Variants in ZNF439 observed in about 807,000 individuals in gnomAD.
The protein encoded by ZNF439 is zinc finger protein 439.
A neutral mutation model predicts 47.3 loss-of-function variants in ZNF439; 40 were observed. That is an observed-to-expected ratio of 0.85 (90% confidence interval 0.66 to 1.10). The LOEUF (loss-of-function observed/expected upper bound fraction) is 1.10, where lower values mean the gene tolerates loss of function less well. Ranked by LOEUF, ZNF439 falls within the 50% of genes least tolerant of loss-of-function variation. The pLI, the probability that ZNF439 is intolerant of heterozygous loss-of-function variation, is 0.00. For synonymous variants in ZNF439, 171 were observed against 198.8 expected (o/e 0.86, Z 1.18); for missense variants, 556 against 601.1 (o/e 0.93, Z 0.78).
intron 1 of ZNF439, among the ~76,000 whole-genome samples, chr19:11,862,726 C>T (rs1384814500): frequency 6.6e-6 from 1 of 151,848 alleles, no homozygotes; most frequent in Non-Finnish European, 1.5e-5. Flanking sequence ...TTACTGTTAC[C>T]TCATTGTTGT....
intron 1 of ZNF439, chr19:11,849,165 C>A: frequency 9.2e-7 from 1 of 1,085,584 alleles, no homozygotes; most frequent in Non-Finnish European, 1.1e-6. Flanking sequence ...TGTGCAGCTC[C>A]GCGCCCGCAG....
rs963537913 is a variant in ZNF439, at chr19:11,866,022, AT to A, written c.64-182del. 1.1e-5 allele frequency: 16 copies of A among 1,427,974 alleles called. No individual in the cohort carries two copies. In the East Asian group the frequency reaches 1.5e-4, roughly 13 times the overall value. 88.5% of individuals were successfully genotyped at this position (1,427,974 alleles called of 1,614,324 possible). ...AAGAGTGAAATTCTGTCTCAAAAAA[AT>A]AAAAAAAAAAATTGCTTTATGGAAG... On this transcript the variant is annotated intron_variant, in intron 1 of 3. Coordinates refer to ENST00000682736, the MANE Select transcript of ZNF439 (RefSeq NM_001348719.2).
intron 1 of ZNF439, chr19:11,865,933 A>G (rs1053270986): frequency 2.2e-5 from 21 of 933,568 alleles, no homozygotes; most frequent in Non-Finnish European, 2.8e-5. Context: ...AGGCTGAGGC[A>G]GAAGAAGCAC....
intron 1 of ZNF439, among the ~76,000 whole-genome samples, chr19:11,865,570 G>A (rs565678948): frequency 8.6e-5 from 13 of 150,720 alleles, no homozygotes; most frequent in Non-Finnish European, 1.5e-4. Context: ...GCATTTTCAA[G>A]GATACACAGC....
Position 11,866,290 on chromosome 19 carries a change from G to A in ZNF439, c.149G>A (p.Arg50Lys), listed in dbSNP as rs1568260546. Residue 50 changes from arginine (R) to lysine (K), a missense_variant, in exon 2 of 4, where the codon AGG becomes AAG. Coordinates refer to ENST00000682736, the MANE Select transcript of ZNF439 (RefSeq NM_001348719.2). ...GATATTTCCCAGAAGAATCTCTACA[G>A]GGAAGTGATGCTGGAAACTTTCTGG... is the stretch of plus-strand genomic sequence containing the variant. ...LLDISQKNLY[R>K]EVMLETFWNL... 1 of 1,614,110 alleles carries A rather than the reference G, an allele frequency of 6.2e-7. No homozygotes were observed. Among genetic ancestry groups the A allele is most frequent in the Admixed American group, 1.7e-5 (1 of 60,010 alleles).
chr19:11,868,996 G>T lies in ZNF439; in HGVS notation c.*427G>T. The T allele has an allele frequency of 6.8e-6, 2 of 294,226 alleles. No individual in the cohort carries two copies. The highest frequency in any genetic ancestry group is 6.9e-6 in the Non-Finnish European group (1 of 144,710). The allele number at this position is 294,226 out of a possible 1,614,324, so 18.2% of individuals were successfully genotyped here. ...AGAGAAACCTATGAATGTAAGGAAT[G>T]CAAACAAGCATTCAATTATTTTTCT... On this transcript the variant is annotated 3_prime_UTR_variant, in exon 4 of 4. Transcript: ENST00000682736.
rs1599329822 is a variant in ZNF439 at position 11,868,819 on chromosome 19, A to T, written c.*250A>T. On this transcript the variant is annotated 3_prime_UTR_variant, in exon 4 of 4. Coordinates refer to ENST00000682736, the MANE Select transcript of ZNF439 (RefSeq NM_001348719.2). ...ACACACACTGGAGAGAAACCCTATG[A>T]ATGTAAGAAATGTGGAAAAGCGTTC... 3 of 574,788 alleles carry T rather than the reference A, an allele frequency of 5.2e-6. No homozygotes were observed. The highest frequency in any genetic ancestry group is 2.7e-4 in the Middle Eastern group (1 of 3,676). 35.6% of individuals were successfully genotyped at this position (574,788 alleles called of 1,614,324 possible).
chr19:11,855,419 A>G (rs190390577), intron 1 of ZNF439, among the ~76,000 whole-genome samples: 226 of 152,286 alleles, frequency 1.5e-3, no homozygotes, highest in Non-Finnish European at 1.8e-3. Flanking sequence ...GAACCAAAAC[A>G]TAATAAGTAC....
chr19:11,860,837 G>T lies in ZNF439; in HGVS notation c.64-5368G>T, dbSNP rs563393893. Among the ~76,000 whole-genome samples, 10 of 152,326 alleles carry T rather than the reference G, an allele frequency of 6.6e-5. No homozygotes were observed. The South Asian group carries it at 1.7e-3, about 25-fold the overall frequency. ...TAACCTCAAGCAGCACAGCGCCAGG[G>T]TGATTGTCCTCAGTGTACCTTCTGG... On this transcript the variant is annotated intron_variant, in intron 1 of 3. Transcript: ENST00000682736.
intron 1 of ZNF439, among the ~76,000 whole-genome samples, chr19:11,859,476 A>G (rs1368813449): frequency 6.6e-6 from 1 of 152,212 alleles, no homozygotes; most frequent in East Asian, 1.9e-4. Context: ...GCTAGCAGAC[A>G]AACAAATCTG....
chr19:11,868,854 T>C lies in ZNF439; in HGVS notation c.*285T>C, dbSNP rs117322896. ...ATGTGGAAAAGCGTTCCATAATTTCTCTTCTTTTCAAATACATGAAAGTTG... is the reference window on the plus strand; with the variant it reads ...ATGTGGAAAAGCGTTCCATAATTTCCCTTCTTTTCAAATACATGAAAGTTG... On this transcript the variant is annotated 3_prime_UTR_variant, in exon 4 of 4. Transcript: ENST00000682736. The C allele has an allele frequency of 0.014, 6,706 of 466,516 alleles. 92 individuals carry two copies. Among genetic ancestry groups the C allele is most frequent in the Middle Eastern group, 0.051 (165 of 3,214 alleles). The allele number at this position is 466,516 out of a possible 1,614,324, so 28.9% of individuals were successfully genotyped here. A position where few individuals can be genotyped will look rare whatever the true frequency, so the allele number is the denominator to read the frequency against.
chr19:11,863,602 A>G, intron 1 of ZNF439, among the ~76,000 whole-genome samples: 1 of 151,774 alleles, frequency 6.6e-6, no homozygotes, highest in East Asian at 1.9e-4. Flanking sequence ...CTCTTAACAG[A>G]CTCTTTTCCC....
At chr19:11,851,810 G>T (rs568221799) in intron 1 of ZNF439, among the ~76,000 whole-genome samples, 6 of 152,048 alleles carry the variant, frequency 3.9e-5, no homozygotes, top group Middle Eastern at 6.8e-3. Flanking sequence ...TACCACACCT[G>T]GGTAATTTTT....
intron 1 of ZNF439, among the ~76,000 whole-genome samples, chr19:11,855,789 C>T (rs1011758805): frequency 7.9e-5 from 12 of 152,156 alleles, no homozygotes; most frequent in East Asian, 3.8e-4. Context: ...CTGTCCCTGA[C>T]GCTCCAGTAG....
At chr19:11,862,248 C>A (rs986030432) in intron 1 of ZNF439, among the ~76,000 whole-genome samples, 3 of 152,008 alleles carry the variant, frequency 2.0e-5, no homozygotes. Flanking sequence ...TTCCATTGTA[C>A]GGATGTTACC....
At position 11,866,314 on chromosome 19, in the gene ZNF439, G is replaced by A; in HGVS notation, c.173G>A (p.Trp58Ter). ...AGGGAAGTGATGCTGGAAACTTTCT[G>A]GAACCTGACCTCTATAGGTAAGGAT... Reference protein sequence around the residue: ...LYREVMLETFWNLTSIGKKWK... With the variant: ...LYREVMLETF Residue 58 changes from tryptophan to a stop codon, truncating the protein, a stop_gained, in exon 2 of 4, where the codon TGG becomes TAG. Coordinates refer to ENST00000682736, the MANE Select transcript of ZNF439 (RefSeq NM_001348719.2). LOFTEE classifies it high-confidence loss of function. 4 of 1,614,060 alleles carry A rather than the reference G, an allele frequency of 2.5e-6. No homozygotes were observed. The highest frequency in any genetic ancestry group is 1.1e-5 in the South Asian group (1 of 91,082).
At position 11,867,860 on chromosome 19, in the gene ZNF439, A is replaced by G; in HGVS notation, c.806A>G (p.His269Arg). 1 of 1,613,998 alleles carries G rather than the reference A, an allele frequency of 6.2e-7. No individual in the cohort carries two copies. Among genetic ancestry groups the G allele is most frequent in the Non-Finnish European group, 8.5e-7 (1 of 1,179,934 alleles). The change falls in exon 4 of 4, where the codon CAC becomes CGC. Residue 269 changes from histidine (H) to arginine (R), a missense_variant. Physicochemically the swap from His to Arg is conservative, Grantham distance 29. Transcript: ENST00000682736. ...ACCCATCGAATACATGAAAGAACTC[A>G]CATTGGAGAAAAGCCTTATGAATGT... Reference protein sequence around the residue: ...SATHRIHERTHIGEKPYECQE... With the variant: ...SATHRIHERTRIGEKPYECQE...
rs1366207216 is a variant in ZNF439, at chr19:11,848,785, GC to G, written c.-82del. On this transcript the variant is annotated 5_prime_UTR_variant, in exon 1 of 4. The change abolishes the stop of an existing upstream ORF in the 5' untranslated region. Coordinates refer to ENST00000682736, the MANE Select transcript of ZNF439 (RefSeq NM_001348719.2). ...TGCCGTCACCTTTGTCGCTGCGAGG[GC>G]GGCGGTTGGGATCTGGCCTTTCCAG... 34 of 1,364,316 alleles carry G rather than the reference GC, an allele frequency of 2.5e-5. No individual in the cohort carries two copies. The highest frequency in any genetic ancestry group is 3.3e-5 in the Non-Finnish European group (34 of 1,037,924). 84.5% of individuals were successfully genotyped at this position (1,364,316 alleles called of 1,614,324 possible). A position where few individuals can be genotyped will look rare whatever the true frequency, so the allele number is the denominator to read the frequency against.
chr19:11,865,537 C>T (rs149400295), intron 1 of ZNF439, among the ~76,000 whole-genome samples: 4 of 150,488 alleles, frequency 2.7e-5, no homozygotes, highest in African/African-American at 9.8e-5. Flanking sequence ...ACAATGTCAT[C>T]AAAGATTACA....
Sources: allele counts gnomAD v4.1 joint callset (sites outside exome capture counted in the v4.1 genomes callset), GRCh38; gene constraint gnomAD v4.1.1; transcripts MANE v1.5; gene names NCBI Gene and HGNC (gene_info 2026-07-23, HGNC 2026-07-21).